The following CLCA1 variants were observed in gnomAD, a reference collection of about 807,000 sequenced individuals.
CLCA1 encodes calcium-activated chloride channel regulator 1.
In CLCA1, 59 loss-of-function variants were observed where a neutral mutation model predicts 85.6. The ratio of observed to expected loss-of-function variants is 0.69; its 90% CI spans 0.56 to 0.86. CLCA1 has a LOEUF of 0.86. Among genes scored for constraint, CLCA1 ranks in the 40% least tolerant of loss-of-function variants. The pLI, the probability that CLCA1 is intolerant of heterozygous loss-of-function variation, is 0.00. For missense variants in CLCA1, 1,022 were observed against 1,101.4 expected, an observed-to-expected ratio of 0.93 and a Z score of 1.02; for synonymous variants, 396 against 398.3, an observed-to-expected ratio of 0.99 and a Z score of 0.07.
intron 4 of CLCA1, among the ~76,000 whole-genome samples, chr1:86,480,541 T>C (rs994353908): frequency 2.0e-5 from 3 of 152,132 alleles, no homozygotes; most frequent in African/African-American, 7.2e-5. Flanking sequence ...AAGGATCACC[T>C]GAGCCTGGGG....
At chr1:86,493,162 C>CT (rs5744400) in intron 9 of CLCA1, among the ~76,000 whole-genome samples, 135,140 of 152,162 alleles carry the variant, frequency 0.89, 60,105 homozygotes, top group African/African-American at 0.94. Context: ...TCACAAGGAC[C>CT]TTTGGGGAGT....
intron 4 of CLCA1, among the ~76,000 whole-genome samples, chr1:86,479,282 G>A (rs2734691): frequency 0.35 from 53,441 of 152,008 alleles, 9,610 homozygotes; most frequent in Middle Eastern, 0.49. Context: ...TGAAAGGTAT[G>A]ATAAAAGTAG....
In CLCA1 at chr1:86,493,371, T is replaced by C. The variant is rs375881006; in HGVS notation, c.1465-13T>C. On this transcript the variant is annotated splice_polypyrimidine_tract_variant and intron_variant, in intron 9 of 13. Transcript: ENST00000394711. ...TGTATTCTCCAGAAAGTAAGAGCTG[T>C]TTTTCTTAACAGCTTGAGAGTAAGG... 2.2e-5 allele frequency: 35 copies of C among 1,608,346 alleles called. No individual in the cohort carries two copies. In the African/African-American group the frequency reaches 4.0e-4, roughly 18 times the overall value.
At chr1:86,474,195 G>A (rs540034095) in intron 3 of CLCA1, among the ~76,000 whole-genome samples, 1 of 152,156 alleles carries the variant, frequency 6.6e-6, no homozygotes, top group Non-Finnish European at 1.5e-5. Flanking sequence ...AGGAGACAAC[G>A]GAATTAAATC....
intron 7 of CLCA1, among the ~76,000 whole-genome samples, chr1:86,487,974 G>A (rs2101741053): frequency 6.6e-6 from 1 of 152,326 alleles, no homozygotes; most frequent in Non-Finnish European, 1.5e-5. Flanking sequence ...CAGCTGACAG[G>A]CTTCTGGGCT....
At chr1:86,483,495 T>C (rs1647874757) in intron 5 of CLCA1, among the ~76,000 whole-genome samples, 2 of 152,120 alleles carry the variant, frequency 1.3e-5, no homozygotes, top group South Asian at 4.1e-4. Context: ...GGAGGAATCA[T>C]GTTACTTTTC....
chr1:86,485,400 C>T lies in CLCA1; in HGVS notation c.793C>T (p.Gln265Ter), dbSNP rs868558743. 2 of 1,614,096 alleles carry T rather than the reference C, an allele frequency of 1.2e-6. No individual in the cohort carries two copies. Among genetic ancestry groups the T allele is most frequent in the Non-Finnish European group, 1.7e-6 (2 of 1,179,976 alleles). ...CAAAGAAGCTCCAAACAAGCAAAAT[C>T]AAAAATGCAATCTCCGAAGCACATG... ...HNKEAPNKQN[Q>*]KCNLRSTWEV... Residue 265 changes from glutamine (Q) to a stop codon, truncating the protein, a stop_gained, in exon 6 of 14, where the codon CAA becomes TAA. Coordinates refer to ENST00000394711, the MANE Select transcript of CLCA1 (RefSeq NM_001285.4). LOFTEE classifies it high-confidence loss of function.
intron 4 of CLCA1, among the ~76,000 whole-genome samples, chr1:86,479,850 A>G (rs1277561419): frequency 2.6e-5 from 4 of 152,162 alleles, no homozygotes; most frequent in Non-Finnish European, 5.9e-5. Flanking sequence ...ATGCCACTGC[A>G]CTCCAGCCTG....
chr1:86,500,111 A>T lies in CLCA1; in HGVS notation c.*66A>T. On this transcript the variant is annotated 3_prime_UTR_variant, in exon 14 of 14. Transcript: ENST00000394711. ...CTTTTTTTTGATTATAAAATTTTCT[A>T]AAATGTATTTTAGACTTCCTGTAGG... 1 of 1,145,854 alleles carries T rather than the reference A, an allele frequency of 8.7e-7. No homozygotes were observed. The highest frequency in any genetic ancestry group is 1.2e-6 in the Non-Finnish European group (1 of 805,410). 71.0% of individuals were successfully genotyped at this position (1,145,854 alleles called of 1,614,324 possible).
At chr1:86,488,123 G>A (rs1376980228) in intron 7 of CLCA1, among the ~76,000 whole-genome samples, 3 of 152,198 alleles carry the variant, frequency 2.0e-5, no homozygotes, top group Non-Finnish European at 4.4e-5. Context: ...CACCTTCAGA[G>A]GACGCCTTCT....
intron 1 of CLCA1, 44 bp downstream of exon 1, chr1:86,469,177 ATGT>A: frequency 2.1e-6 from 3 of 1,432,632 alleles, no homozygotes; most frequent in South Asian, 1.4e-5. Context: ...AAATAGCATA[ATGT>A]TGTGATAGAG....
At position 86,485,194 on chromosome 1, in the gene CLCA1, T is replaced by A. The variant is rs1321797704; in HGVS notation, c.736-149T>A. ...CTGGTTTAAGGTAGGAAATCTGCAT[T>A]ATTACTGTGATTTTCCCCAGCACTG... On this transcript the variant is annotated intron_variant, in intron 5 of 13. Coordinates refer to ENST00000394711, the MANE Select transcript of CLCA1 (RefSeq NM_001285.4). 8 of 654,332 alleles carry A rather than the reference T, an allele frequency of 1.2e-5. No homozygotes were observed. The African/African-American group carries it at 1.5e-4, about 12-fold the overall frequency. 40.5% of individuals were successfully genotyped at this position (654,332 alleles called of 1,614,324 possible).
chr1:86,498,150 C>CAAGG (rs1648347074), intron 12 of CLCA1, among the ~76,000 whole-genome samples: 1 of 84,846 alleles, frequency 1.2e-5, no homozygotes. Flanking sequence ...AAAACAAAAA[C>CAAGG]AAAGAAAGGA....
intron 9 of CLCA1, among the ~76,000 whole-genome samples, chr1:86,493,125 C>G (rs111946999): frequency 6.7e-6 from 1 of 150,352 alleles, no homozygotes; most frequent in East Asian, 2.0e-4. Context: ...CTAAAGAGTA[C>G]GATAATAAAG....
chr1:86,499,812 A>C lies in CLCA1; in HGVS notation c.2512A>C (p.Thr838Pro), dbSNP rs1453645753. Residue 838 changes from threonine to proline, a missense_variant, in exon 14 of 14, where the codon ACA (threonine) becomes CCA (proline). Physicochemically the swap from Thr to Pro is conservative, Grantham distance 38 (BLOSUM62 -1). Coordinates refer to ENST00000394711, the MANE Select transcript of CLCA1 (RefSeq NM_001285.4). ...AGAAAACATTACTTTTGAAAATGGC[A>C]CAGATCTTTTCATTGCTATTCAGGC... ...KPENITFENG[T>P]DLFIAIQAVD... is the part of the protein sequence containing the mutation. 2 of 1,613,758 alleles carry C rather than the reference A, an allele frequency of 1.2e-6. No individual in the cohort carries two copies. The highest frequency in any genetic ancestry group is 1.7e-6 in the Non-Finnish European group (2 of 1,179,716).
chr1:86,488,607 A>G (rs1648048610), intron 7 of CLCA1, among the ~76,000 whole-genome samples: 1 of 152,176 alleles, frequency 6.6e-6, no homozygotes, highest in African/African-American at 2.4e-5. Flanking sequence ...CCCTGGGTCT[A>G]ATATCCCCCC....
intron 1 of CLCA1, among the ~76,000 whole-genome samples, chr1:86,472,541 TAC>T (rs1172535935): frequency 2.6e-5 from 4 of 152,194 alleles, no homozygotes; most frequent in Non-Finnish European, 4.4e-5. Context: ...TCCTAACAGA[TAC>T]ACTGCCCCCT....
chr1:86,472,548 C>T (rs1647534905), intron 1 of CLCA1, among the ~76,000 whole-genome samples: 1 of 152,140 alleles, frequency 6.6e-6, no homozygotes, highest in East Asian at 1.9e-4. Context: ...AGATACACTG[C>T]CCCCTTTCTA....
At chr1:86,496,116 A>G (rs1319127793) in intron 12 of CLCA1, among the ~76,000 whole-genome samples, 1 of 152,220 alleles carries the variant, frequency 6.6e-6, no homozygotes, top group African/African-American at 2.4e-5. Flanking sequence ...GCTACCTCAT[A>G]GGATGGTCAC....
Sources: allele counts gnomAD v4.1 joint callset (sites outside exome capture counted in the v4.1 genomes callset), GRCh38; gene constraint gnomAD v4.1.1; transcripts MANE v1.5; gene names NCBI Gene and HGNC (gene_info 2026-07-23, HGNC 2026-07-21).